ALS2CL: variants seen among roughly 807,000 people sequenced by gnomAD.
The protein encoded by ALS2CL is ALS2 C-terminal-like protein.
Under a neutral mutation model 127.9 loss-of-function variants are expected in ALS2CL, and 112 were observed. The ratio of observed to expected loss-of-function variants is 0.88; its 90% CI spans 0.75 to 1.02. The LOEUF is 1.02. ALS2CL is among the 50% of genes least tolerant of loss of function. ALS2CL has a pLI of 0.00. For synonymous variants in ALS2CL, 519 were observed against 527.6 expected, an observed-to-expected ratio of 0.98 and a Z score of 0.22; for missense variants, 1,174 against 1,236.7, an observed-to-expected ratio of 0.95 and a Z score of 0.76.
Position 46,681,751 on chromosome 3 carries a change from G to A in ALS2CL, c.1176-153C>T, listed in dbSNP as rs559910841. On this transcript the variant is annotated intron_variant, in intron 11 of 25. Coordinates refer to ENST00000318962, the MANE Select transcript of ALS2CL (RefSeq NM_147129.5). This position sits in a 1 kb window ranked among gnomAD's most constrained non-coding sequence, Gnocchi z 4.9. The stretch of plus-strand genomic sequence containing the variant: ...CCTCAGCCTTCCTATCCTTCAAAGG[G>A]CCCCTCTCAGGACCCCTCCCTCCAG... 1.3e-4 allele frequency among the ~76,000 whole-genome samples: 20 copies of A among 152,140 alleles called. No individual in the cohort carries two copies. In the South Asian group the frequency reaches 1.7e-3, roughly 13 times the overall value.
At chr3:46,677,294 A>T in intron 16 of ALS2CL, 1 of 1,294,850 alleles carries the variant, frequency 7.7e-7, no homozygotes, top group Non-Finnish European at 9.8e-7. Flanking sequence ...AAAGGTGGGC[A>T]GATCTGGAGG....
intron 13 of ALS2CL, 94 bp from the exon 14 acceptor site, chr3:46,680,635 T>G (rs1031951426): frequency 9.3e-7 from 1 of 1,078,226 alleles, no homozygotes; most frequent in African/African-American, 1.6e-5. Flanking sequence ...GGAGTGCAGA[T>G]AAGGGGCAGT....
Position 46,672,203 on chromosome 3 carries a change from T to G in ALS2CL, c.2473-2A>C, listed in dbSNP as rs1407177415. ...CTTGTCCCTGACCAGGGAGTACCTC[T>G]GCATGGTGGAGGGAGTGGGCTGGAT... On this transcript the variant is annotated splice_acceptor_variant, in intron 22 of 25. Transcript: ENST00000318962. LOFTEE classifies it high-confidence loss of function. 1 of 1,613,996 alleles carries G rather than the reference T, an allele frequency of 6.2e-7. No individual in the cohort carries two copies. The highest frequency in any genetic ancestry group is 1.7e-5 in the Admixed American group (1 of 60,014).
intron 22 of ALS2CL, among the ~76,000 whole-genome samples, chr3:46,672,970 C>T (rs1308455945): frequency 6.6e-6 from 1 of 152,180 alleles, no homozygotes; most frequent in African/African-American, 2.4e-5. Flanking sequence ...CGCACCACTG[C>T]ACTCTAACCC....
rs375594532 is a variant in ALS2CL at position 46,676,560 on chromosome 3, C to A, written c.2028+82G>T. 2.6e-6 allele frequency: 4 copies of A among 1,556,796 alleles called. No homozygotes were observed. In the Admixed American group the frequency reaches 6.9e-5, roughly 27 times the overall value. Reference sequence around the variant, plus strand: ...ACAGGCCTGTCCCCTTCAGTCAGCACCCTGCTATGAAAAATGGGAGCCCTT... The same window carrying A: ...ACAGGCCTGTCCCCTTCAGTCAGCAACCTGCTATGAAAAATGGGAGCCCTT... On this transcript the variant is annotated intron_variant, in intron 18 of 25. Coordinates refer to ENST00000318962, the MANE Select transcript of ALS2CL (RefSeq NM_147129.5).
intron 15 of ALS2CL, among the ~76,000 whole-genome samples, chr3:46,678,922 G>A (rs965782609): frequency 3.3e-5 from 5 of 152,226 alleles, no homozygotes; most frequent in Non-Finnish European, 5.9e-5. Flanking sequence ...CGAGGCACTG[G>A]TACTGGTGGA....
chr3:46,683,915 G>A, intron 8 of ALS2CL, 67 bp from the exon 9 acceptor site: 1 of 1,613,430 alleles, frequency 6.2e-7, no homozygotes, highest in Non-Finnish European at 8.5e-7. Context: ...CCAAGCCAGA[G>A]TCCCAGGGTG....
chr3:46,682,013 C>A lies in ALS2CL; in HGVS notation c.1175+16G>T, dbSNP rs77357503. 1.3e-3 allele frequency: 2,036 copies of A among 1,613,534 alleles called. 26 individuals carry two copies. The African/African-American group carries it at 0.024, about 19-fold the overall frequency. On this transcript the variant is annotated intron_variant, in intron 11 of 25. Coordinates refer to ENST00000318962, the MANE Select transcript of ALS2CL (RefSeq NM_147129.5). ...CCCACTGCACGCCTCCCAGCAGTAG[C>A]CCCAGCCAGCCTTACCCATGCTCCA...
At position 46,671,561 on chromosome 3, in the gene ALS2CL, A is replaced by C. The variant is rs1239244607; in HGVS notation, c.2708T>G (p.Ile903Ser). ...RARIQHLGAE[I>S]HLIRDMMDPN... Reference sequence around the variant, plus strand: ...GTCCATCATGTCACGGATCAGGTGGATCTCGGCTCCCAGGTGCTGAATTCT... The same window carrying C: ...GTCCATCATGTCACGGATCAGGTGGCTCTCGGCTCCCAGGTGCTGAATTCT... The change falls in exon 25 of 26, where the codon ATC (isoleucine) becomes AGC (serine). Residue 903 changes from isoleucine to serine, a missense_variant. By Grantham distance (142) the Ile-to-Ser change is moderately radical. Transcript: ENST00000318962. The C allele has an allele frequency of 6.2e-7, 1 of 1,613,826 alleles. No individual in the cohort carries two copies. The highest frequency in any genetic ancestry group is 2.2e-5 in the East Asian group (1 of 44,828).
chr3:46,684,049 T>C lies in ALS2CL; in HGVS notation c.787-2A>G. 1.3e-6 allele frequency: 2 copies of C among 1,553,822 alleles called. No homozygotes were observed. Among genetic ancestry groups the C allele is most frequent in the South Asian group, 1.2e-5 (1 of 84,662 alleles). On this transcript the variant is annotated splice_acceptor_variant, in intron 7 of 25. Coordinates refer to ENST00000318962, the MANE Select transcript of ALS2CL (RefSeq NM_147129.5). LOFTEE classifies it high-confidence loss of function. Reference sequence around the variant, plus strand: ...ATCAAAGGTGTGGACATTGTGGCCCTGGAAGAGGATGGACACAGGAGTCAT... The same window carrying C: ...ATCAAAGGTGTGGACATTGTGGCCCCGGAAGAGGATGGACACAGGAGTCAT...
intron 14 of ALS2CL, 24 bp from the exon 15 acceptor site, chr3:46,679,311 G>C: frequency 6.4e-7 from 1 of 1,553,716 alleles, no homozygotes; most frequent in Non-Finnish European, 8.7e-7. Context: ...AGCCAGGGAG[G>C]GTAGAAAGGG....
Position 46,686,578 on chromosome 3 carries a change from TG to T in ALS2CL, c.535-140del. 8.1e-7 allele frequency: 1 copy of T among 1,238,808 alleles called. No homozygotes were observed. Among genetic ancestry groups the T allele is most frequent in the Non-Finnish European group, 1.1e-6 (1 of 905,412 alleles). The allele number at this position is 1,238,808 out of a possible 1,614,324, so 76.7% of individuals were successfully genotyped here. ...TCCCTGACAGCTCCTCTTCTGCTGG[TG>T]GGGCAGGGGGTGGAATATGAAGGTG... On this transcript the variant is annotated intron_variant, in intron 5 of 25. Coordinates refer to ENST00000318962, the MANE Select transcript of ALS2CL (RefSeq NM_147129.5). This position sits in a 1 kb window ranked among gnomAD's most constrained non-coding sequence, Gnocchi z 4.3.
At chr3:46,680,381 C>T (rs377601640) in intron 14 of ALS2CL, 49 bp downstream of exon 14, 220 of 1,558,124 alleles carry the variant, frequency 1.4e-4, no homozygotes, top group African/African-American at 1.2e-3. Flanking sequence ...GTGCCCCCAG[C>T]GGGAGTGGGG....
Position 46,671,469 on chromosome 3 carries a change from C to T in ALS2CL, c.2781+19G>A. 1 of 1,613,742 alleles carries T rather than the reference C, an allele frequency of 6.2e-7. No homozygotes were observed. The highest frequency in any genetic ancestry group is 8.5e-7 in the Non-Finnish European group (1 of 1,179,926). On this transcript the variant is annotated intron_variant, in intron 25 of 25. Transcript: ENST00000318962. ...GGGCCAGGGCATTTCCACCTCGGTC[C>T]ACAGCCCCTGTCCCTTACCTCCAGG...
Position 46,680,432 on chromosome 3 carries a change from C to T in ALS2CL, c.1546G>A (p.Val516Met), listed in dbSNP as rs759855817. The T allele has an allele frequency of 1.2e-6, 2 of 1,612,840 alleles. No individual in the cohort carries two copies. The highest frequency in any genetic ancestry group is 2.7e-5 in the African/African-American group (2 of 74,924). The change falls in exon 14 of 26, where the codon GTG becomes ATG. Residue 516 changes from valine (V) to methionine (M), a missense_variant and splice_region_variant. Val to Met is a conservative substitution (Grantham distance 21). Transcript: ENST00000318962. ...AGCCCAGGATACACTCCACTCACCACCGTCTTGTCCGCCTGGAAGGTGCCC... is the reference window on the plus strand; with the variant it reads ...AGCCCAGGATACACTCCACTCACCATCGTCTTGTCCGCCTGGAAGGTGCCC... The part of the protein sequence containing the change: ...YQGTFQADKT[V>M]GPGILLSEDD...
intron 7 of ALS2CL, among the ~76,000 whole-genome samples, chr3:46,684,407 C>CACT (rs76028485): frequency 0.76 from 116,012 of 151,720 alleles, 44,496 homozygotes; most frequent in African/African-American, 0.82. Flanking sequence ...CCTCACAGAC[C>CACT]ACTACGCCAT....
At chr3:46,676,545 C>T in intron 18 of ALS2CL, 97 bp downstream of exon 18, 5 of 1,536,978 alleles carry the variant, frequency 3.3e-6, no homozygotes, top group Non-Finnish European at 4.4e-6. Flanking sequence ...ACAGGCCTGT[C>T]CCCTTCAGTC....
chr3:46,680,343 C>G, intron 14 of ALS2CL, 87 bp downstream of exon 14: 4 of 1,385,388 alleles, frequency 2.9e-6, no homozygotes, highest in Non-Finnish European at 4.0e-6. Context: ...TTTCCCATCC[C>G]TCCCTGAAAG....
intron 24 of ALS2CL, 126 bp downstream of exon 24, chr3:46,671,758 G>A: frequency 6.6e-7 from 1 of 1,525,148 alleles, no homozygotes; most frequent in Non-Finnish European, 8.8e-7. Flanking sequence ...TCTGGGCCTT[G>A]GCTTCCCCAT....
Sources: allele counts gnomAD v4.1 joint callset (sites outside exome capture counted in the v4.1 genomes callset), GRCh38; gene constraint gnomAD v4.1.1; non-coding constraint Gnocchi (gnomAD v3.1); transcripts MANE v1.5; gene names NCBI Gene and HGNC (gene_info 2026-07-23, HGNC 2026-07-21).